ROCK2: variants seen among roughly 807,000 people sequenced by gnomAD.
The protein encoded by ROCK2 is rho-associated protein kinase 2.
Under a neutral mutation model 195.1 loss-of-function variants are expected in ROCK2, and 61 were observed. The observed-to-expected ratio is 0.31, with a 90% confidence interval of 0.25 to 0.39. ROCK2 has a LOEUF of 0.39. Ranked by LOEUF, ROCK2 falls within the 10% of genes least tolerant of loss-of-function variation. The probability of loss-of-function intolerance (pLI) is 1.00; values close to 1 mark genes in which losing one functional copy is unlikely to be tolerated. For missense variants in ROCK2, 1,109 were observed against 1,637.4 expected (o/e 0.68, Z 5.57); for synonymous variants, 504 against 545.5 (o/e 0.92, Z 1.06).
At chr2:11,315,848 A>G (rs1668174834) in intron 1 of ROCK2, among the ~76,000 whole-genome samples, 1 of 152,128 alleles carries the variant, frequency 6.6e-6, no homozygotes, top group African/African-American at 2.4e-5. Flanking sequence ...GGCCTTCTTC[A>G]GTCCACATTC....
chr2:11,210,813 T>C (rs893827197), intron 18 of ROCK2, among the ~76,000 whole-genome samples: 1 of 152,208 alleles, frequency 6.6e-6, no homozygotes, highest in Non-Finnish European at 1.5e-5. Context: ...CCCTTACAAT[T>C]AGATTTTTGT....
intron 1 of ROCK2, among the ~76,000 whole-genome samples, chr2:11,323,874 C>T (rs1299152327): frequency 6.6e-6 from 1 of 152,140 alleles, no homozygotes; most frequent in African/African-American, 2.4e-5. Context: ...TAGTTACCGT[C>T]AGTATTCATT....
In ROCK2 at chr2:11,190,239, G is replaced by A. The variant is rs557011942; in HGVS notation, c.4163+1909C>T. ...CACTACACATTTTACAGTCAATTTT[G>A]ATATTAGTTTTATTTACATGCAGAT... On this transcript the variant is annotated intron_variant, in intron 32 of 32. Transcript: ENST00000315872. Among the ~76,000 whole-genome samples, 24 of 151,912 alleles carry A rather than the reference G, an allele frequency of 1.6e-4. No homozygotes were observed. In the East Asian group the frequency reaches 4.4e-3, roughly 28 times the overall value.
intron 3 of ROCK2, among the ~76,000 whole-genome samples, chr2:11,282,608 A>AAAAAAAAAAAAAAAAAAAG (rs1667045265): frequency 6.2e-5 from 1 of 16,094 alleles, no homozygotes; most frequent in Non-Finnish European, 3.8e-4. Flanking sequence ...ATCTACATGC[A>AAAAAAAAAAAAAAAAAAAG]AAAAAAAAAA....
intron 11 of ROCK2, 71 bp from the exon 12 acceptor site, chr2:11,217,240 A>G: frequency 1.3e-6 from 1 of 794,514 alleles, no homozygotes; most frequent in Non-Finnish European, 2.3e-6. Context: ...AAAGAAAACA[A>G]TGATAAGCTT....
intron 32 of ROCK2, among the ~76,000 whole-genome samples, chr2:11,187,972 A>G (rs1041614009): frequency 6.6e-6 from 1 of 152,160 alleles, no homozygotes; most frequent in Admixed American, 6.5e-5. Flanking sequence ...TACACTTCTT[A>G]AAACTCGGTA....
At chr2:11,225,543 T>A (rs1664780313) in intron 6 of ROCK2, among the ~76,000 whole-genome samples, 2 of 152,152 alleles carry the variant, frequency 1.3e-5, no homozygotes, top group African/African-American at 4.8e-5. Flanking sequence ...ATCTCATATG[T>A]TCCCCAGGCT....
intron 1 of ROCK2, chr2:11,308,258 A>T: frequency 8.4e-7 from 1 of 1,197,072 alleles, no homozygotes; most frequent in Admixed American, 1.7e-5. Flanking sequence ...TTTACAGTCC[A>T]CACAGTCTCA....
intron 1 of ROCK2, among the ~76,000 whole-genome samples, chr2:11,326,229 TAA>T (rs1329600077): frequency 1.5e-5 from 1 of 67,422 alleles, no homozygotes. Context: ...CAAATGCATT[TAA>T]AAAAAAAAAA....
chr2:11,256,736 T>C (rs942626134), intron 3 of ROCK2, among the ~76,000 whole-genome samples: 1 of 151,324 alleles, frequency 6.6e-6, no homozygotes, highest in Non-Finnish European at 1.5e-5. Context: ...TTATAAGAGA[T>C]AAGGTAATTT....
At chr2:11,288,203 T>C (rs2148195833) in intron 1 of ROCK2, among the ~76,000 whole-genome samples, 1 of 152,322 alleles carries the variant, frequency 6.6e-6, no homozygotes. Flanking sequence ...CTAAATTTCC[T>C]CTTAAAACAA....
rs1476998969 is a variant in ROCK2, at chr2:11,182,777, TG to T, written c.*659del. On this transcript the variant is annotated 3_prime_UTR_variant, in exon 33 of 33. Transcript: ENST00000315872. Reference sequence around the variant, plus strand: ...ACTTTAAACTTCTTGTTACAGTAACTGCTTAAACATGAACATGCAACTTCCA... The same window carrying T: ...ACTTTAAACTTCTTGTTACAGTAACTCTTAAACATGAACATGCAACTTCCA... 1 of 152,594 alleles carries T rather than the reference TG, an allele frequency of 6.6e-6. No individual in the cohort carries two copies. Among genetic ancestry groups the T allele is most frequent in the Non-Finnish European group, 1.5e-5 (1 of 68,014 alleles). 9.5% of individuals were successfully genotyped at this position (152,594 alleles called of 1,614,324 possible). A position where few individuals can be genotyped will look rare whatever the true frequency, so the allele number is the denominator to read the frequency against.
chr2:11,245,142 GCTTA>G (rs1189247169), intron 4 of ROCK2, among the ~76,000 whole-genome samples: 2 of 151,178 alleles, frequency 1.3e-5, no homozygotes, highest in African/African-American at 4.8e-5. Context: ...TATTTCATTT[GCTTA>G]CTAATTTATA....
intron 4 of ROCK2, among the ~76,000 whole-genome samples, chr2:11,242,852 T>G (rs1366831139): frequency 6.6e-6 from 1 of 152,208 alleles, no homozygotes; most frequent in Non-Finnish European, 1.5e-5. Flanking sequence ...AAGTATCTCA[T>G]GCTTATTTAT....
rs1487077674 is a variant in ROCK2, at chr2:11,337,502, AATGCAAATC to A, written c.141+6485_141+6493del. Reference sequence around the variant, plus strand: ...AAAGTACATCATTCATCATGAGGGAAATGCAAATCATGCAAATCGAAATCACATTTTAAA... The same window carrying A: ...AAAGTACATCATTCATCATGAGGGAAATGCAAATCGAAATCACATTTTAAA... On this transcript the variant is annotated intron_variant, in intron 1 of 32. Coordinates refer to ENST00000315872, the MANE Select transcript of ROCK2 (RefSeq NM_004850.5). Among the ~76,000 whole-genome samples the A allele has an allele frequency of 2.5e-4, 38 of 152,356 alleles. 1 individual carries two copies. Among genetic ancestry groups the A allele is most frequent in the African/African-American group, 8.4e-4 (35 of 41,584 alleles).
chr2:11,306,852 T>C lies in ROCK2; in HGVS notation c.142-19116A>G, dbSNP rs905622844. Among the ~76,000 whole-genome samples, 6 of 152,034 alleles carry C rather than the reference T, an allele frequency of 3.9e-5. No homozygotes were observed. In the East Asian group the frequency reaches 9.6e-4, roughly 24 times the overall value. ...AGCAAGAAAATACCTACCAACACCA[T>C]GTGGGAAATACAGTATAAACAATCC... is the stretch of plus-strand genomic sequence containing the variant. On this transcript the variant is annotated intron_variant, in intron 1 of 32. Coordinates refer to ENST00000315872, the MANE Select transcript of ROCK2 (RefSeq NM_004850.5).
At position 11,197,230 on chromosome 2, in the gene ROCK2, G is replaced by A; in HGVS notation, c.3398C>T (p.Ser1133Phe). ...LQALHIGLDS[S>F]SIGSGPGDAE... ...ATCCCCTGGTCCACTGCCTATACTGGAACTATCCAGACCAATATGCAAGGC... is the reference window on the plus strand; with the variant it reads ...ATCCCCTGGTCCACTGCCTATACTGAAACTATCCAGACCAATATGCAAGGC... The change falls in exon 27 of 33, where the codon TCC becomes TTC. Residue 1133 changes from serine to phenylalanine, a missense_variant. Physicochemically the swap from Ser to Phe is radical, Grantham distance 155. Transcript: ENST00000315872. This position sits in a 1 kb window ranked among gnomAD's most constrained non-coding sequence, Gnocchi z 4.9. The A allele has an allele frequency of 6.2e-7, 1 of 1,613,790 alleles. No homozygotes were observed. The highest frequency in any genetic ancestry group is 8.5e-7 in the Non-Finnish European group (1 of 1,179,824).
intron 1 of ROCK2, among the ~76,000 whole-genome samples, chr2:11,294,121 C>A (rs940499569): frequency 2.0e-5 from 3 of 151,716 alleles, no homozygotes; most frequent in Non-Finnish European, 4.4e-5. Flanking sequence ...CGTGCCACTG[C>A]ACTCCAGCCT....
At chr2:11,223,056 C>T (rs1239749086) in intron 7 of ROCK2, among the ~76,000 whole-genome samples, 1 of 152,236 alleles carries the variant, frequency 6.6e-6, no homozygotes, top group South Asian at 2.1e-4. Context: ...CATCAAACAT[C>T]ATACAGGCTG....
Sources: allele counts gnomAD v4.1 joint callset (sites outside exome capture counted in the v4.1 genomes callset), GRCh38; gene constraint gnomAD v4.1.1; non-coding constraint Gnocchi (gnomAD v3.1); transcripts MANE v1.5; gene names NCBI Gene and HGNC (gene_info 2026-07-23, HGNC 2026-07-21).